BICRAL: variants seen among roughly 807,000 people sequenced by gnomAD.
BICRAL encodes the protein BRD4-interacting chromatin-remodeling complex-associated protein-like.
Under a neutral mutation model 91.8 loss-of-function variants are expected in BICRAL, and 8 were observed. That is an observed-to-expected ratio of 0.09 (90% CI 0.05 to 0.16). BICRAL has a LOEUF of 0.16. Among genes scored for constraint, BICRAL ranks in the 10% least tolerant of loss-of-function variants. The pLI, the probability that BICRAL is intolerant of heterozygous loss-of-function variation, is 1.00. For synonymous variants in BICRAL, 445 were observed against 491.1 expected (o/e 0.91, Z 1.24); for missense variants, 1,038 against 1,310.9 (o/e 0.79, Z 3.21).
At chr6:42,800,574 G>A (rs538303767) in intron 1 of BICRAL, among the ~76,000 whole-genome samples, 38 of 146,734 alleles carry the variant, frequency 2.6e-4, no homozygotes, top group African/African-American at 9.5e-4. Flanking sequence ...TTTTGAGACA[G>A]GGTCCCGCTT....
intron 11 of BICRAL, among the ~76,000 whole-genome samples, chr6:42,861,086 A>G (rs1237793501): frequency 2.0e-5 from 3 of 152,162 alleles, no homozygotes; most frequent in South Asian, 2.1e-4. Flanking sequence ...AGATCATGCC[A>G]TTGCACTCCA....
intron 8 of BICRAL, among the ~76,000 whole-genome samples, chr6:42,855,370 G>A (rs944447113): frequency 5.9e-5 from 9 of 152,092 alleles, no homozygotes; most frequent in Non-Finnish European, 1.0e-4. Context: ...GCAAAACTCC[G>A]TCTCTACAAA....
chr6:42,839,303 AATT>A (rs889829269), intron 6 of BICRAL, among the ~76,000 whole-genome samples: 9 of 151,910 alleles, frequency 5.9e-5, no homozygotes, highest in African/African-American at 1.4e-4. Context: ...GGATTTTTAA[AATT>A]ATTATTATTA....
At chr6:42,838,947 C>T (rs1436832851) in intron 6 of BICRAL, among the ~76,000 whole-genome samples, 1 of 151,522 alleles carries the variant, frequency 6.6e-6, no homozygotes, top group East Asian at 1.9e-4. Flanking sequence ...GGTGACAGAG[C>T]GAGACTCTGT....
chr6:42,755,296 T>C (rs558043470), intron 1 of BICRAL, among the ~76,000 whole-genome samples: 2 of 152,082 alleles, frequency 1.3e-5, no homozygotes, highest in Non-Finnish European at 1.5e-5. Context: ...ACAATGGGAT[T>C]TGGGGCAGGT....
At chr6:42,756,919 T>TCCCCCCCC (rs780265578) in intron 1 of BICRAL, among the ~76,000 whole-genome samples, 2 of 69,360 alleles carry the variant, frequency 2.9e-5, no homozygotes, top group East Asian at 5.5e-4. Context: ...TCTCTCCCTC[T>TCCCCCCCC]CCCCCCCCCC....
chr6:42,781,902 G>A (rs940925546), upstream of BICRAL: 3 of 141,546 alleles, frequency 2.1e-5, no homozygotes, highest in African/African-American at 7.7e-5. Context: ...AGAGCATGAA[G>A]GCCGGGCGGG....
At chr6:42,835,136 C>CTTTTTTTT (rs71305782) in intron 6 of BICRAL, among the ~76,000 whole-genome samples, 1 of 148,100 alleles carries the variant, frequency 6.8e-6, no homozygotes, top group Non-Finnish European at 1.5e-5. Context: ...ACCCTTTTTT[C>CTTTTTTTT]TTTTTTTTTT....
In BICRAL at chr6:42,846,956, C is replaced by G. The variant is rs116369691; in HGVS notation, c.1840-5136C>G. 7.0e-3 allele frequency among the ~76,000 whole-genome samples: 1,072 copies of G among 152,324 alleles called. 4 individuals carry two copies. The highest frequency in any genetic ancestry group is 0.023 in the African/African-American group (942 of 41,576). Reference sequence around the variant, plus strand: ...CTTATTATTGATCTTAGCAGGAAAACTTCAAGTTTTTTGCCATTAAATATG... The same window carrying G: ...CTTATTATTGATCTTAGCAGGAAAAGTTCAAGTTTTTTGCCATTAAATATG... On this transcript the variant is annotated intron_variant, in intron 6 of 12. Transcript: ENST00000314073.
At chr6:42,811,668 CAGAG>C (rs899255719) in intron 2 of BICRAL, among the ~76,000 whole-genome samples, 3 of 150,912 alleles carry the variant, frequency 2.0e-5, no homozygotes, top group African/African-American at 7.3e-5. Flanking sequence ...CCCAGAGTAC[CAGAG>C]AGAGAGAGCA....
At chr6:42,749,052 G>A (rs975139308) in intron 1 of BICRAL, among the ~76,000 whole-genome samples, 14 of 152,266 alleles carry the variant, frequency 9.2e-5, no homozygotes, top group African/African-American at 3.1e-4. Flanking sequence ...TCAAGGTACT[G>A]CTCTCTTGTA....
intron 1 of BICRAL, among the ~76,000 whole-genome samples, chr6:42,792,868 G>A (rs1266062513): frequency 5.3e-5 from 8 of 151,784 alleles, no homozygotes; most frequent in Admixed American, 2.6e-4. Flanking sequence ...AGCCAAAATC[G>A]TGCCACTGCA....
intron 6 of BICRAL, among the ~76,000 whole-genome samples, chr6:42,845,228 T>G (rs1042933945): frequency 2.5e-4 from 21 of 83,324 alleles, no homozygotes; most frequent in East Asian, 2.0e-3. Context: ...TTTTTTTTTT[T>G]TTTTTTTTTT....
intron 1 of BICRAL, among the ~76,000 whole-genome samples, chr6:42,794,709 G>A (rs1763371598): frequency 6.6e-6 from 1 of 151,324 alleles, no homozygotes; most frequent in Admixed American, 6.6e-5. Context: ...AGCAGTTTGC[G>A]AGGCTGAGGC....
chr6:42,843,352 A>G (rs947214117), intron 6 of BICRAL, among the ~76,000 whole-genome samples: 1 of 152,156 alleles, frequency 6.6e-6, no homozygotes, highest in Non-Finnish European at 1.5e-5. Flanking sequence ...AAAAGAGACC[A>G]TGGTGCTGTG....
intron 1 of BICRAL, among the ~76,000 whole-genome samples, chr6:42,772,363 T>C (rs1254622741): frequency 6.6e-6 from 1 of 151,998 alleles, no homozygotes; most frequent in Non-Finnish European, 1.5e-5. Flanking sequence ...CCAGAGGAGG[T>C]GGCATTGGAG....
intron 1 of BICRAL, among the ~76,000 whole-genome samples, chr6:42,747,808 T>G (rs1005852162): frequency 3.4e-5 from 5 of 145,478 alleles, no homozygotes; most frequent in African/African-American, 5.2e-5. Context: ...TTATTTTGTT[T>G]TTTTTTTTTT....
At chr6:42,804,489 A>C (rs1475451223) in intron 1 of BICRAL, among the ~76,000 whole-genome samples, 3 of 152,218 alleles carry the variant, frequency 2.0e-5, no homozygotes, top group African/African-American at 7.2e-5. Context: ...GATTTAAATA[A>C]AACTAAAGAA....
intron 1 of BICRAL, among the ~76,000 whole-genome samples, chr6:42,758,536 C>G (rs1163925792): frequency 6.6e-6 from 1 of 152,126 alleles, no homozygotes; most frequent in East Asian, 1.9e-4. Context: ...AGACTGGGCT[C>G]CCTCAGAGCT....
Sources: gnomAD v4.1 joint callset for allele counts (sites outside exome capture counted in the v4.1 genomes callset) on GRCh38, gnomAD v4.1.1 for gene constraint, MANE v1.5 for transcripts, NCBI Gene and HGNC (gene_info 2026-07-23, HGNC 2026-07-21) for gene names.